GP6: variants seen among roughly 807,000 people sequenced by gnomAD.
GP6 encodes platelet glycoprotein VI.
In GP6, 45 loss-of-function variants were observed where a neutral mutation model predicts 37.3. The observed-to-expected ratio is 1.21, with a 90% CI of 0.95 to 1.55. The LOEUF is 1.55. Among genes scored for constraint, GP6 ranks in the 40% most tolerant of loss-of-function variants. The pLI is 0.00. For synonymous variants in GP6, 340 were observed against 316.4 expected (o/e 1.07, Z -0.79); for missense variants, 813 against 760.2 (o/e 1.07, Z -0.82).
intron 5 of GP6, among the ~76,000 whole-genome samples, chr19:55,019,146 C>A (rs532702211): frequency 1.0e-4 from 14 of 139,694 alleles, no homozygotes; most frequent in Admixed American, 1.5e-4. Context: ...CATTCTGTTG[C>A]CCAGGCTGGA....
intron 5 of GP6, among the ~76,000 whole-genome samples, chr19:55,023,049 GACAATACT>G: frequency 6.6e-6 from 1 of 152,204 alleles, no homozygotes; most frequent in East Asian, 1.9e-4. Flanking sequence ...ATATAGCCAA[GACAATACT>G]AAGCAAAAAG....
intron 1 of GP6, among the ~76,000 whole-genome samples, chr19:55,034,176 G>T (rs907610956): frequency 2.1e-5 from 3 of 145,512 alleles, no homozygotes; most frequent in East Asian, 2.0e-4. Flanking sequence ...GTGTGTGTGT[G>T]TATACATATG....
intron 5 of GP6, among the ~76,000 whole-genome samples, chr19:55,024,289 T>TGCACACACAC: frequency 6.9e-5 from 7 of 101,906 alleles, no homozygotes; most frequent in Admixed American, 3.1e-4. Context: ...CACACACACA[T>TGCACACACAC]ATGCACGCAT....
chr19:55,026,517 A>G (rs1298908136), intron 4 of GP6, among the ~76,000 whole-genome samples: 1 of 152,130 alleles, frequency 6.6e-6, no homozygotes, highest in Admixed American at 6.5e-5. Context: ...CTTCTTTTTT[A>G]AGGCTGCATA....
intron 3 of GP6, among the ~76,000 whole-genome samples, chr19:55,030,976 G>A (rs968068261): frequency 3.3e-5 from 5 of 151,954 alleles, no homozygotes; most frequent in Non-Finnish European, 5.9e-5. Context: ...AGCCTCCTGA[G>A]TAGCTGGGAC....
chr19:55,024,309 T>TGCACGCACACGCACATGCACGCACGC (rs1357661954), intron 5 of GP6, among the ~76,000 whole-genome samples: 1 of 129,950 alleles, frequency 7.7e-6, no homozygotes, highest in Non-Finnish European at 1.6e-5. Flanking sequence ...TGCACACACA[T>TGCACGCACACGCACATGCACGCACGC]ATGCACGCAC....
rs2074361286 is a variant in GP6 at position 55,027,696 on chromosome 19, A to G, written c.492T>C (p.Ser164=). ...CGGCGGTCACCGTGATGATGGGAAA[A>G]CTAGCCCTGTACCATCTCTCGGGAT... is the stretch of plus-strand genomic sequence containing the variant. Residue 164 remains serine (S), a synonymous_variant, in exon 4 of 8, where the codon AGT becomes AGC. Transcript: ENST00000310373. 1 of 1,613,364 alleles carries G rather than the reference A, an allele frequency of 6.2e-7. No homozygotes were observed. Among genetic ancestry groups the G allele is most frequent in the Middle Eastern group, 1.6e-4 (1 of 6,062 alleles).
intron 6 of GP6, among the ~76,000 whole-genome samples, chr19:55,017,820 C>T (rs2073932188): frequency 6.6e-6 from 1 of 152,036 alleles, no homozygotes; most frequent in Admixed American, 6.6e-5. Flanking sequence ...CCTCCAATCC[C>T]AGCACTTTGG....
intron 1 of GP6, among the ~76,000 whole-genome samples, chr19:55,033,230 C>T (rs575229383): frequency 1.2e-4 from 6 of 49,058 alleles, no homozygotes; most frequent in Non-Finnish European, 1.8e-4. Context: ...TGGACTCGTT[C>T]GTGTTAGACA....
intron 1 of GP6, among the ~76,000 whole-genome samples, chr19:55,037,946 G>A (rs2074900089): frequency 6.6e-6 from 1 of 152,012 alleles, no homozygotes; most frequent in African/African-American, 2.4e-5. Flanking sequence ...AGGGGCAACT[G>A]CAGTGTAGTA....
chr19:55,032,230 C>T lies in GP6; in HGVS notation c.234G>A (p.Met78Ile). 1.2e-6 allele frequency: 2 copies of T among 1,614,182 alleles called. No homozygotes were observed. Among genetic ancestry groups the T allele is most frequent in the East Asian group, 2.2e-5 (1 of 44,890 alleles). Residue 78 changes from methionine to isoleucine, a missense_variant, in exon 3 of 8, where the codon ATG (methionine) becomes ATA (isoleucine). Physicochemically the swap from Met to Ile is conservative, Grantham distance 10 (BLOSUM62 1). Transcript: ENST00000310373. ...GGTAGCGTCCAGCCAGACTTCTCTT[C>T]ATGGCCGGGATGAAGAGGACTGCCT...
Position 55,021,951 on chromosome 19 carries a change from T to C in GP6, c.665-3240A>G, listed in dbSNP as rs922086149. On this transcript the variant is annotated intron_variant, in intron 5 of 7. Transcript: ENST00000310373. ...TATGTTTACTGGCTGCATAAACGTC[T>C]TCTTTTGAGAAGTGACTGTTCATGT... Among the ~76,000 whole-genome samples, 3 of 152,326 alleles carry C rather than the reference T, an allele frequency of 2.0e-5. No homozygotes were observed. The South Asian group carries it at 6.2e-4, about 32-fold the overall frequency.
Position 55,032,500 on chromosome 19 carries a change from A to C in GP6, c.67+6T>G. On this transcript the variant is annotated splice_donor_region_variant and intron_variant, in intron 2 of 7. Transcript: ENST00000310373. ...CAGGAGGGAAGGGGTCTGGGGAAGG[A>C]CTCACCACTCTGCGCTGGCACACGC... 6.2e-7 allele frequency: 1 copy of C among 1,613,740 alleles called. No homozygotes were observed. Among genetic ancestry groups the C allele is most frequent in the South Asian group, 1.1e-5 (1 of 91,058 alleles).
In GP6 at chr19:55,032,406, G is replaced by A. The variant is rs1050599191; in HGVS notation, c.68-10C>T. On this transcript the variant is annotated splice_polypyrimidine_tract_variant and intron_variant, in intron 2 of 7. Coordinates refer to ENST00000310373, the MANE Select transcript of GP6 (RefSeq NM_001083899.2). ...GGCTTGGGGAGCGGTCCTGGAAGAG[G>A]AGCAGGGCTGGGTCAGCCTCCCCGC... 1 of 1,612,146 alleles carries A rather than the reference G, an allele frequency of 6.2e-7. No individual in the cohort carries two copies. Among genetic ancestry groups the A allele is most frequent in the African/African-American group, 1.3e-5 (1 of 74,908 alleles).
In GP6 at chr19:55,027,776, A is replaced by T; in HGVS notation, c.412T>A (p.Tyr138Asn). ...TACAGAGCAAATTGGTCAAAGCCATACCGAGTCTGACACTGTAGGGTTACG... is the reference window on the plus strand; with the variant it reads ...TACAGAGCAAATTGGTCAAAGCCATTCCGAGTCTGACACTGTAGGGTTACG... Residue 138 changes from tyrosine (Y) to asparagine (N), a missense_variant, in exon 4 of 8, where the codon TAT (tyrosine) becomes AAT (asparagine). Tyr to Asn is a moderately radical substitution (Grantham distance 143). Coordinates refer to ENST00000310373, the MANE Select transcript of GP6 (RefSeq NM_001083899.2). 1 of 1,613,862 alleles carries T rather than the reference A, an allele frequency of 6.2e-7. No individual in the cohort carries two copies. Among genetic ancestry groups the T allele is most frequent in the Non-Finnish European group, 8.5e-7 (1 of 1,179,738 alleles).
intron 5 of GP6, among the ~76,000 whole-genome samples, chr19:55,020,883 C>T (rs1236521296): frequency 6.6e-6 from 1 of 150,758 alleles, no homozygotes. Flanking sequence ...AAACTCCCGT[C>T]TCTAGCAAAA....
rs757874715 is a variant in GP6 at position 55,014,966 on chromosome 19, C to T, written c.979G>A (p.Gly327Arg). The T allele has an allele frequency of 4.3e-6, 7 of 1,613,532 alleles. No homozygotes were observed. In the East Asian group the frequency reaches 1.3e-4, roughly 31 times the overall value. ...TGTGAACATCCTGTCGGCCTCCATC[C>T]TGACCCCCGTTTGATTTCCGGGTCA... is the stretch of plus-strand genomic sequence containing the variant. Residue 327 changes from glycine (G) to arginine (R), a missense_variant, in exon 8 of 8, where the codon GGA becomes AGA. By Grantham distance (125) the Gly-to-Arg change is moderately radical. Coordinates refer to ENST00000310373, the MANE Select transcript of GP6 (RefSeq NM_001083899.2).
chr19:55,027,650 A>G lies in GP6; in HGVS notation c.538T>C (p.Cys180Arg). 6.2e-7 allele frequency: 1 copy of G among 1,613,090 alleles called. No individual in the cohort carries two copies. The highest frequency in any genetic ancestry group is 1.1e-5 in the South Asian group (1 of 91,066). The stretch of plus-strand genomic sequence containing the variant: ...GGGTCCCTGCTGGAGAAGCTGTAGC[A>G]TCGGTAGGTTCCGCTGTGGGCGGCG... Residue 180 changes from cysteine to arginine, a missense_variant, in exon 4 of 8, where the codon TGC becomes CGC. By Grantham distance (180) the Cys-to-Arg change is radical. Transcript: ENST00000310373.
intron 5 of GP6, among the ~76,000 whole-genome samples, chr19:55,021,485 C>T (rs1259594611): frequency 6.6e-6 from 1 of 151,334 alleles, no homozygotes; most frequent in East Asian, 1.9e-4. Context: ...TTCTCCACAG[C>T]CTCGCCAGCA....
Sources: gnomAD v4.1 joint callset for allele counts (sites outside exome capture counted in the v4.1 genomes callset) on GRCh38, gnomAD v4.1.1 for gene constraint, MANE v1.5 for transcripts, NCBI Gene and HGNC (gene_info 2026-07-23, HGNC 2026-07-21) for gene names.